The following GPI variants were observed in gnomAD, a reference collection of about 807,000 sequenced individuals.
The protein encoded by GPI is D-hexose-6-phosphate anomerase.
A neutral mutation model predicts 75.8 loss-of-function variants in GPI; 56 were observed. That is an observed-to-expected ratio of 0.74 (90% CI 0.60 to 0.92). GPI has a LOEUF of 0.92. Among genes scored for constraint, GPI ranks in the 40% least tolerant of loss-of-function variants. GPI has a pLI of 0.00. For missense variants in GPI, 638 were observed against 741.0 expected, an observed-to-expected ratio of 0.86 and a Z score of 1.61; for synonymous variants, 288 against 285.4, an observed-to-expected ratio of 1.01 and a Z score of -0.09.
intron 14 of GPI, 80 bp from the exon 15 acceptor site, chr19:34,399,127 T>G: frequency 3.1e-5 from 44 of 1,441,220 alleles, no homozygotes; most frequent in Non-Finnish European, 3.9e-5. Flanking sequence ...TGACCCCTGC[T>G]GAGAAGTACC....
At chr19:34,391,964 A>T in intron 9 of GPI, among the ~76,000 whole-genome samples, 1 of 414 alleles carries the variant, frequency 2.4e-3, no homozygotes, top group South Asian at 0.12. Context: ...CATGAGTATG[A>T]GGATTTGGTT....
chr19:34,393,534 C>T lies in GPI; in HGVS notation c.866-194C>T. 1 of 711,482 alleles carries T rather than the reference C, an allele frequency of 1.4e-6. No homozygotes were observed. The highest frequency in any genetic ancestry group is 2.5e-6 in the Non-Finnish European group (1 of 401,770). 44.1% of individuals were successfully genotyped at this position (711,482 alleles called of 1,614,324 possible). On this transcript the variant is annotated intron_variant, in intron 10 of 17. Coordinates refer to ENST00000356487, the MANE Select transcript of GPI (RefSeq NM_000175.5). The surrounding 1 kb of genome is among the most constrained non-coding windows in gnomAD (Gnocchi z 4.4). ...CTCACAACTGCAGTCCTGTTTCTCT[C>T]CTATCCTAGGCAGAGTCAGATCCCT...
upstream of GPI, chr19:34,364,955 C>T: frequency 6.6e-7 from 1 of 1,526,622 alleles, no homozygotes; most frequent in Non-Finnish European, 8.8e-7. Flanking sequence ...CAGTGATCCC[C>T]GGGCTCTGCC....
chr19:34,397,969 C>G (rs565834365), intron 14 of GPI: 1 of 151,990 alleles, frequency 6.6e-6, no homozygotes, highest in Non-Finnish European at 1.5e-5. Context: ...TCACTACAGC[C>G]TTGAACTCCT....
chr19:34,371,323 G>C (rs559633264), intron 4 of GPI, among the ~76,000 whole-genome samples: 2 of 152,334 alleles, frequency 1.3e-5, no homozygotes, highest in Admixed American at 1.3e-4. Flanking sequence ...CTTGATTGTA[G>C]TGGCAAAACC....
intron 1 of GPI, 54 bp from the exon 2 acceptor site, chr19:34,366,291 G>T: frequency 8.6e-7 from 1 of 1,157,604 alleles, no homozygotes; most frequent in Non-Finnish European, 1.3e-6. Flanking sequence ...TTAGGGCATG[G>T]CTCCCCGCTA....
chr19:34,393,399 C>G lies in GPI; in HGVS notation c.865+91C>G. 2 of 976,626 alleles carry G rather than the reference C, an allele frequency of 2.0e-6. No individual in the cohort carries two copies. The highest frequency in any genetic ancestry group is 3.4e-5 in the Admixed American group (2 of 59,058). The allele number at this position is 976,626 out of a possible 1,614,324, so 60.5% of individuals were successfully genotyped here. A position where few individuals can be genotyped will look rare whatever the true frequency, so the allele number is the denominator to read the frequency against. Reference sequence around the variant, plus strand: ...GGGGCTTGTGTCCCTGAACATCATGCTGTCCTCACAGGCTGCTGGCCTCTC... The same window carrying G: ...GGGGCTTGTGTCCCTGAACATCATGGTGTCCTCACAGGCTGCTGGCCTCTC... On this transcript the variant is annotated intron_variant, in intron 10 of 17. Coordinates refer to ENST00000356487, the MANE Select transcript of GPI (RefSeq NM_000175.5). This position sits in a 1 kb window ranked among gnomAD's most constrained non-coding sequence, Gnocchi z 4.4.
In GPI at chr19:34,393,935, C is replaced by G. The variant is rs993275230; in HGVS notation, c.931C>G (p.Pro311Ala). ...HWMDQHFRTTPLEKNAPVLLA... is the reference protein window; with the variant it reads ...HWMDQHFRTTALEKNAPVLLA... ...TCAGGACCAGCACTTCCGCACGACG[C>G]CCCTGGAGAAGAACGCCCCCGTCTT... The change falls in exon 12 of 18, where the codon CCC becomes GCC. Residue 311 changes from proline to alanine, a missense_variant. Coordinates refer to ENST00000356487, the MANE Select transcript of GPI (RefSeq NM_000175.5). The surrounding 1 kb of genome is among the most constrained non-coding windows in gnomAD (Gnocchi z 4.4). 1 of 1,613,758 alleles carries G rather than the reference C, an allele frequency of 6.2e-7. No individual in the cohort carries two copies. The highest frequency in any genetic ancestry group is 2.2e-5 in the East Asian group (1 of 44,860).
intron 6 of GPI, among the ~76,000 whole-genome samples, chr19:34,378,534 T>C (rs906123696): frequency 7.9e-5 from 12 of 152,108 alleles, no homozygotes; most frequent in African/African-American, 2.9e-4. Context: ...TCCTTTCTGA[T>C]CCCAGAGCCA....
At chr19:34,365,088 T>C, upstream of GPI, 2 of 1,320,446 alleles carry the variant, frequency 1.5e-6, no homozygotes, top group Non-Finnish European at 2.0e-6. Flanking sequence ...GCACCCGGCC[T>C]GGGTATCGGG....
chr19:34,364,776 T>A, upstream of GPI: 1 of 450,350 alleles, frequency 2.2e-6, no homozygotes. Flanking sequence ...CATCATCTGT[T>A]GTACTTGCTT....
At chr19:34,377,326 AAAAAAAAAAAAT>A (rs2074556203) in intron 4 of GPI, among the ~76,000 whole-genome samples, 165 bp from the exon 5 acceptor site, 16 of 88,468 alleles carry the variant, frequency 1.8e-4, no homozygotes, top group African/African-American at 8.8e-4. Context: ...AAAAAAAAAA[AAAAAAAAAAAAT>A]ATATATATAT....
At chr19:34,364,586 C>T (rs2074326557), upstream of GPI, among the ~76,000 whole-genome samples, 2 of 151,940 alleles carry the variant, frequency 1.3e-5, no homozygotes, top group South Asian at 4.2e-4. Flanking sequence ...CCAGGTTGGC[C>T]AGTCTGGTCT....
At chr19:34,396,467 G>A (rs1351201680) in intron 13 of GPI, 37 bp downstream of exon 13, 2 of 1,613,654 alleles carry the variant, frequency 1.2e-6, no homozygotes, top group Non-Finnish European at 8.5e-7. Flanking sequence ...GATGTTGGGG[G>A]AGGGAAAGGA....
At chr19:34,365,680 C>A (rs1475590118) in intron 1 of GPI, 1 of 588,914 alleles carries the variant, frequency 1.7e-6, no homozygotes, top group South Asian at 1.5e-5. Context: ...CAGCTCTGGC[C>A]ATTTGAGCAG....
rs1484239484 is a variant in GPI at position 34,400,345 on chromosome 19, T to A, written c.*309T>A. ...CACGGAGGAGGTTGTAGGCTCAGCC[T>A]CTGATTTTTTTTTTCCTGTGATGGT... On this transcript the variant is annotated 3_prime_UTR_variant, in exon 18 of 18. Coordinates refer to ENST00000356487, the MANE Select transcript of GPI (RefSeq NM_000175.5). 6 of 595,370 alleles carry A rather than the reference T, an allele frequency of 1.0e-5. No homozygotes were observed. The highest frequency in any genetic ancestry group is 1.8e-5 in the Non-Finnish European group (6 of 335,234). 36.9% of individuals were successfully genotyped at this position (595,370 alleles called of 1,614,324 possible).
Position 34,393,101 on chromosome 19 carries a change from A to C in GPI, c.805-147A>C. On this transcript the variant is annotated intron_variant, in intron 9 of 17. Coordinates refer to ENST00000356487, the MANE Select transcript of GPI (RefSeq NM_000175.5). The surrounding 1 kb of genome is among the most constrained non-coding windows in gnomAD (Gnocchi z 4.4). ...GTTGGTCTTCCCATGTGTTGCCAGC[A>C]CCTGCCTGCTGCCTTGCTTCCTGGA... 1 of 711,806 alleles carries C rather than the reference A, an allele frequency of 1.4e-6. No individual in the cohort carries two copies. Among genetic ancestry groups the C allele is most frequent in the East Asian group, 2.7e-5 (1 of 37,704 alleles). 44.1% of individuals were successfully genotyped at this position (711,806 alleles called of 1,614,324 possible).
chr19:34,400,250 G>A lies in GPI; in HGVS notation c.*214G>A. 1 of 623,232 alleles carries A rather than the reference G, an allele frequency of 1.6e-6. No individual in the cohort carries two copies. Among genetic ancestry groups the A allele is most frequent in the African/African-American group, 1.8e-5 (1 of 54,656 alleles). The allele number at this position is 623,232 out of a possible 1,614,324, so 38.6% of individuals were successfully genotyped here. A position where few individuals can be genotyped will look rare whatever the true frequency, so the allele number is the denominator to read the frequency against. ...CCTCTGTGTTAGAATTGGCTGAAGT[G>A]TTTTTGTGCAGCTGACTTTTCTGAC... On this transcript the variant is annotated 3_prime_UTR_variant, in exon 18 of 18. Coordinates refer to ENST00000356487, the MANE Select transcript of GPI (RefSeq NM_000175.5).
At position 34,365,205 on chromosome 19, in the gene GPI, G is replaced by T. The variant is rs1279689752; in HGVS notation, c.-62G>T. 8 of 1,396,600 alleles carry T rather than the reference G, an allele frequency of 5.7e-6. No homozygotes were observed. The African/African-American group carries it at 5.9e-5, about 10-fold the overall frequency. The allele number at this position is 1,396,600 out of a possible 1,614,324, so 86.5% of individuals were successfully genotyped here. On this transcript the variant is annotated 5_prime_UTR_variant, in exon 1 of 18. Coordinates refer to ENST00000356487, the MANE Select transcript of GPI (RefSeq NM_000175.5). The stretch of plus-strand genomic sequence containing the variant: ...CGCGCCCACGCGCCTCGCTTGCTGC[G>T]CGCTGCCGGCGCTCCTTCCTCCTCG...
Sources: allele counts gnomAD v4.1 joint callset (sites outside exome capture counted in the v4.1 genomes callset), GRCh38; gene constraint gnomAD v4.1.1; non-coding constraint Gnocchi (gnomAD v3.1); transcripts MANE v1.5; gene names NCBI Gene and HGNC (gene_info 2026-07-23, HGNC 2026-07-21).